Variants in STIM1 observed in about 807,000 individuals in gnomAD.
The protein encoded by STIM1 is stromal interaction molecule 1.
Under a neutral mutation model 74.7 loss-of-function variants are expected in STIM1, and 25 were observed. That is an observed-to-expected ratio of 0.33 (90% CI 0.24 to 0.47). The LOEUF (loss-of-function observed/expected upper bound fraction) is 0.47, where lower values mean the gene tolerates loss of function less well. Among genes scored for constraint, STIM1 ranks in the 20% least tolerant of loss-of-function variants. STIM1 has a pLI of 1.00. For missense variants in STIM1, 728 were observed against 920.8 expected (o/e 0.79, Z 2.71); for synonymous variants, 328 against 348.8 (o/e 0.94, Z 0.66).
chr11:3,861,191 A>G (rs190789034), intron 1 of STIM1, among the ~76,000 whole-genome samples: 1 of 151,718 alleles, frequency 6.6e-6, no homozygotes, highest in African/African-American at 2.4e-5. Flanking sequence ...ATGAGCACCC[A>G]TAGGTAGGAA....
At chr11:3,992,079 CTGTTTTTT>C (rs1345721933) in intron 2 of STIM1, among the ~76,000 whole-genome samples, 1 of 100,182 alleles carries the variant, frequency 1.0e-5, no homozygotes, top group Non-Finnish European at 2.0e-5. Flanking sequence ...TTGCCAACAT[CTGTTTTTT>C]TGTTTTTTTT....
chr11:3,967,507 G>A, intron 1 of STIM1, 45 bp from the exon 2 acceptor site: 2 of 1,613,316 alleles, frequency 1.2e-6, no homozygotes, highest in Non-Finnish European at 1.7e-6. Context: ...GATAGGTTCT[G>A]GGTGGCAGCT....
At chr11:3,980,735 C>G (rs1197761009) in intron 2 of STIM1, among the ~76,000 whole-genome samples, 1 of 152,040 alleles carries the variant, frequency 6.6e-6, no homozygotes, top group African/African-American at 2.4e-5. Context: ...TCCACCAAGG[C>G]CTAGATCAGG....
intron 2 of STIM1, among the ~76,000 whole-genome samples, chr11:4,004,913 G>T (rs1257123872): frequency 6.6e-6 from 1 of 152,178 alleles, no homozygotes; most frequent in Non-Finnish European, 1.5e-5. Flanking sequence ...CCATCAAAAA[G>T]TGGGCAAAGG....
At chr11:3,973,753 G>A (rs531141580) in intron 2 of STIM1, among the ~76,000 whole-genome samples, 6 of 152,078 alleles carry the variant, frequency 3.9e-5, no homozygotes, top group African/African-American at 1.2e-4. Context: ...TCACACTGTC[G>A]GCCAGGCTGG....
chr11:3,933,308 A>G (rs1368742839), intron 1 of STIM1, among the ~76,000 whole-genome samples: 4 of 152,180 alleles, frequency 2.6e-5, no homozygotes, highest in African/African-American at 9.7e-5. Flanking sequence ...GGTTATTGAA[A>G]CATGGACTGT....
intron 1 of STIM1, among the ~76,000 whole-genome samples, chr11:3,941,626 T>TAGAG (rs1309550694): frequency 1.0e-4 from 12 of 116,296 alleles, no homozygotes; most frequent in African/African-American, 4.0e-4. Flanking sequence ...TACATATATA[T>TAGAG]ATATAGAGAG....
At chr11:3,945,941 T>G (rs12286710) in intron 1 of STIM1, among the ~76,000 whole-genome samples, 40,667 of 151,564 alleles carry the variant, frequency 0.27, 6,079 homozygotes, top group South Asian at 0.45. Flanking sequence ...AGATAGAGAG[T>G]GGGTGGGGAG....
chr11:3,912,561 T>G (rs2092582272), intron 1 of STIM1, among the ~76,000 whole-genome samples: 2 of 152,116 alleles, frequency 1.3e-5, no homozygotes, highest in South Asian at 4.1e-4. Context: ...AGATGGGGTT[T>G]CGCCATGTTG....
At chr11:4,002,613 T>C (rs1246771126) in intron 2 of STIM1, among the ~76,000 whole-genome samples, 1 of 148,896 alleles carries the variant, frequency 6.7e-6, no homozygotes, top group Non-Finnish European at 1.5e-5. Context: ...TTTATAGCAC[T>C]AAATGCCCAC....
At chr11:4,012,593 G>T (rs1229000243) in intron 2 of STIM1, among the ~76,000 whole-genome samples, 3 of 152,216 alleles carry the variant, frequency 2.0e-5, no homozygotes, top group Non-Finnish European at 4.4e-5. Context: ...AGACTTTGCT[G>T]AAGTTGCTTA....
chr11:3,916,442 C>T, intron 1 of STIM1, among the ~76,000 whole-genome samples: 1 of 144,340 alleles, frequency 6.9e-6, no homozygotes, highest in Non-Finnish European at 1.5e-5. Context: ...CATGTGCCAC[C>T]ACACCCAATT....
intron 3 of STIM1, among the ~76,000 whole-genome samples, chr11:4,038,871 A>G (rs551464255): frequency 3.9e-5 from 6 of 152,330 alleles, no homozygotes; most frequent in African/African-American, 1.4e-4. Context: ...CATGAAACAA[A>G]CAAGTTAGGG....
intron 1 of STIM1, among the ~76,000 whole-genome samples, chr11:3,908,717 A>G (rs1005801111): frequency 8.5e-5 from 13 of 152,168 alleles, no homozygotes; most frequent in African/African-American, 2.9e-4. Context: ...TTATAGAAAG[A>G]TGGCTTATGG....
chr11:3,946,334 G>T (rs1282403272), intron 1 of STIM1, among the ~76,000 whole-genome samples: 1 of 152,188 alleles, frequency 6.6e-6, no homozygotes, highest in Non-Finnish European at 1.5e-5. Flanking sequence ...ATGCCAGGAA[G>T]TGTGTAAATG....
intron 3 of STIM1, among the ~76,000 whole-genome samples, chr11:4,037,369 A>G (rs184292555): frequency 1.5e-4 from 23 of 152,218 alleles, no homozygotes; most frequent in African/African-American, 5.3e-4. Context: ...TGTTCTATCA[A>G]TTGTTAGAGA....
chr11:4,010,054 C>T (rs1044774510), intron 2 of STIM1, among the ~76,000 whole-genome samples: 1 of 152,268 alleles, frequency 6.6e-6, no homozygotes, highest in South Asian at 2.1e-4. Context: ...CTCAAGCAAT[C>T]TCCTTCCACC....
chr11:3,901,782 A>G (rs952523568), intron 1 of STIM1, among the ~76,000 whole-genome samples: 12 of 152,152 alleles, frequency 7.9e-5, no homozygotes, highest in South Asian at 2.1e-4. Flanking sequence ...TTGAGATAGC[A>G]TCTCGCTCTG....
intron 3 of STIM1, among the ~76,000 whole-genome samples, chr11:4,051,614 A>T (rs990076937): frequency 1.3e-5 from 2 of 151,962 alleles, no homozygotes; most frequent in Non-Finnish European, 2.9e-5. Flanking sequence ...AAGTGCTGGG[A>T]TTACAGTCAT....
Sources: gnomAD v4.1 joint callset for allele counts (sites outside exome capture counted in the v4.1 genomes callset) on GRCh38, gnomAD v4.1.1 for gene constraint, MANE v1.5 for transcripts, NCBI Gene and HGNC (gene_info 2026-07-23, HGNC 2026-07-21) for gene names.